LINGO2: variants seen among roughly 807,000 people sequenced by gnomAD.
LINGO2 encodes the protein leucine-rich repeat and immunoglobulin-like domain-containing nogo receptor-interacting protein 2.
In LINGO2, 14 loss-of-function variants were observed where a neutral mutation model predicts 30.6. The observed-to-expected ratio is 0.46, with a 90% CI of 0.30 to 0.72. The LOEUF (loss-of-function observed/expected upper bound fraction) is 0.72, where lower values mean the gene tolerates loss of function less well. LINGO2 is among the 30% of genes least tolerant of loss of function. The pLI is 0.07. For missense variants in LINGO2, 729 were observed against 751.7 expected, an observed-to-expected ratio of 0.97 and a Z score of 0.35; for synonymous variants, 317 against 288.5, an observed-to-expected ratio of 1.10 and a Z score of -1.00.
chr9:28,902,319 C>G, the LINGO2 span, among the ~76,000 whole-genome samples: 1 of 152,070 alleles, frequency 6.6e-6, no homozygotes, highest in Admixed American at 6.6e-5. Flanking sequence ...TATTAGTGAT[C>G]AAGAGGTCAA....
At chr9:28,550,060 C>A (rs143688682) in intron 1 of LINGO2, among the ~76,000 whole-genome samples, 2 of 151,762 alleles carry the variant, frequency 1.3e-5, no homozygotes, top group African/African-American at 4.8e-5. Context: ...TCTATCTTTG[C>A]ATTTTATATT....
the LINGO2 span, among the ~76,000 whole-genome samples, chr9:29,212,223 C>T: frequency 6.6e-6 from 1 of 152,138 alleles, no homozygotes; most frequent in South Asian, 2.1e-4. Flanking sequence ...CGGAAGCGCG[C>T]CGGGACTGCC....
chr9:28,885,281 G>A, the LINGO2 span, among the ~76,000 whole-genome samples: 4 of 148,238 alleles, frequency 2.7e-5, no homozygotes, highest in South Asian at 2.1e-4. Context: ...AAGTGGTGGC[G>A]ACCAGAAGCT....
chr9:29,187,132 C>G, the LINGO2 span, among the ~76,000 whole-genome samples: 4 of 152,162 alleles, frequency 2.6e-5, no homozygotes, highest in Non-Finnish European at 4.4e-5. Flanking sequence ...AGGTCGAGTA[C>G]TCTCCCTGCT....
chr9:28,235,641 A>G (rs148131418), intron 4 of LINGO2, among the ~76,000 whole-genome samples: 61 of 152,320 alleles, frequency 4.0e-4, no homozygotes, highest in African/African-American at 1.4e-3. Flanking sequence ...TTTAACAGAG[A>G]TTGTAATAAA....
At chr9:28,718,005 G>C in the LINGO2 span, among the ~76,000 whole-genome samples, 29 of 152,062 alleles carry the variant, frequency 1.9e-4, no homozygotes, top group African/African-American at 6.5e-4. Flanking sequence ...GTGTCCCCAA[G>C]CAACATAGAT....
the LINGO2 span, among the ~76,000 whole-genome samples, chr9:28,893,869 T>A: frequency 5.9e-5 from 9 of 151,938 alleles, no homozygotes; most frequent in African/African-American, 2.2e-4. Flanking sequence ...TCATTTAGCA[T>A]TAGGTATATC....
At chr9:28,187,216 C>T (rs918014083) in intron 4 of LINGO2, among the ~76,000 whole-genome samples, 4 of 152,086 alleles carry the variant, frequency 2.6e-5, no homozygotes, top group African/African-American at 7.2e-5. Flanking sequence ...TAAGGCCAGG[C>T]GCAGTGGCTC....
chr9:28,357,316 C>CA (rs1491395875), intron 3 of LINGO2, among the ~76,000 whole-genome samples: 10 of 28,746 alleles, frequency 3.5e-4, no homozygotes, highest in African/African-American at 2.3e-3. Flanking sequence ...AGAAATAAAG[C>CA]CCACCCCCCC....
chr9:27,954,405 C>A (rs10757701), intron 5 of LINGO2, among the ~76,000 whole-genome samples: 82,384 of 151,958 alleles, frequency 0.54, 23,653 homozygotes, highest in Non-Finnish European at 0.62. Flanking sequence ...CCTCCATGCT[C>A]TCAATGTTTT....
At chr9:28,545,898 T>C (rs1821914046) in intron 1 of LINGO2, among the ~76,000 whole-genome samples, 1 of 152,088 alleles carries the variant, frequency 6.6e-6, no homozygotes, top group African/African-American at 2.4e-5. Context: ...AACTTTTAAA[T>C]TGTATCTGTC....
the LINGO2 span, among the ~76,000 whole-genome samples, chr9:28,928,198 T>C: frequency 6.6e-6 from 1 of 152,204 alleles, no homozygotes; most frequent in South Asian, 2.1e-4. Flanking sequence ...AAAACTTTAC[T>C]GAAGCCTTTT....
intron 4 of LINGO2, among the ~76,000 whole-genome samples, chr9:28,139,673 G>A (rs1487606874): frequency 1.3e-5 from 2 of 152,052 alleles, no homozygotes; most frequent in Non-Finnish European, 2.9e-5. Flanking sequence ...AGCTAGAAAG[G>A]TTTACAAAAA....
intron 4 of LINGO2, among the ~76,000 whole-genome samples, chr9:28,238,842 C>T (rs1210517530): frequency 6.6e-6 from 1 of 150,920 alleles, no homozygotes; most frequent in Non-Finnish European, 1.5e-5. Context: ...ATAAATGAAA[C>T]AAATAGTTGT....
At chr9:28,035,507 G>C (rs575354951) in intron 4 of LINGO2, among the ~76,000 whole-genome samples, 1 of 152,314 alleles carries the variant, frequency 6.6e-6, no homozygotes, top group African/African-American at 2.4e-5. Flanking sequence ...TAACTGAAAT[G>C]AAATAGTCGA....
chr9:29,174,350 T>G, the LINGO2 span, among the ~76,000 whole-genome samples: 1 of 152,198 alleles, frequency 6.6e-6, no homozygotes, highest in Admixed American at 6.5e-5. Context: ...ATGTGGACCA[T>G]ATTGTGAAAA....
the LINGO2 span, among the ~76,000 whole-genome samples, chr9:28,891,296 T>C: frequency 6.6e-6 from 1 of 151,980 alleles, no homozygotes; most frequent in Non-Finnish European, 1.5e-5. Flanking sequence ...TGGGACTTAG[T>C]TTTCTCATTT....
chr9:28,004,555 G>A lies in LINGO2; in HGVS notation c.-36+7800C>T, dbSNP rs74757496. 1.8e-4 allele frequency among the ~76,000 whole-genome samples: 27 copies of A among 152,244 alleles called. 1 individual carries two copies. Among genetic ancestry groups the A allele is most frequent in the East Asian group, 1.4e-3 (7 of 5,172 alleles). ...TTTAGTGTATTTATCAATTAACTGC[G>A]TTGATGGTAAGGAGTGTGATATATT... On this transcript the variant is annotated intron_variant, in intron 5 of 5. Transcript: ENST00000379992.
At chr9:28,174,185 C>T (rs1175838831) in intron 4 of LINGO2, among the ~76,000 whole-genome samples, 5 of 152,124 alleles carry the variant, frequency 3.3e-5, no homozygotes, top group African/African-American at 1.2e-4. Flanking sequence ...GTGACAACTG[C>T]TCAGTATGAG....
Sources: allele counts gnomAD v4.1 joint callset (sites outside exome capture counted in the v4.1 genomes callset), GRCh38; gene constraint gnomAD v4.1.1; transcripts MANE v1.5; gene names NCBI Gene and HGNC (gene_info 2026-07-23, HGNC 2026-07-21).